The following EPHB1 variants were observed in gnomAD, a reference collection of about 807,000 sequenced individuals.
EPHB1 encodes the protein EPH receptor B1, also known as ephrin type-B receptor 1.
A neutral mutation model predicts 94.4 loss-of-function variants in EPHB1; 30 were observed. That is an observed-to-expected ratio of 0.32 (90% CI 0.24 to 0.43). EPHB1 has a LOEUF of 0.43. EPHB1 is among the 20% of genes least tolerant of loss of function. The probability of loss-of-function intolerance (pLI) is 1.00; values close to 1 mark genes in which losing one functional copy is unlikely to be tolerated. For missense variants in EPHB1, 1,055 were observed against 1,308.3 expected (o/e 0.81, Z 2.99); for synonymous variants, 522 against 489.1 (o/e 1.07, Z -0.89).
chr3:134,818,685 C>G (rs1245094375), intron 1 of EPHB1, among the ~76,000 whole-genome samples: 1 of 152,180 alleles, frequency 6.6e-6, no homozygotes, highest in Non-Finnish European at 1.5e-5. Flanking sequence ...ACTGCAAATG[C>G]CGTTAATTCA....
chr3:135,114,153 T>C (rs1321007273), intron 4 of EPHB1, among the ~76,000 whole-genome samples: 1 of 152,160 alleles, frequency 6.6e-6, no homozygotes, highest in Non-Finnish European at 1.5e-5. Flanking sequence ...CATTTTACCT[T>C]GTGGATTTAG....
chr3:134,851,168 T>C (rs1302041733), intron 1 of EPHB1, among the ~76,000 whole-genome samples: 1 of 152,196 alleles, frequency 6.6e-6, no homozygotes, highest in East Asian at 1.9e-4. Context: ...AGGCCTTGTC[T>C]GGAGGGAGGA....
intron 3 of EPHB1, among the ~76,000 whole-genome samples, chr3:134,975,746 G>C (rs571416806): frequency 2.1e-4 from 32 of 149,066 alleles, no homozygotes; most frequent in Non-Finnish European, 2.2e-4. Context: ...TAAACTATTC[G>C]TAAGGATAGA....
chr3:135,040,529 G>A (rs536898914), intron 3 of EPHB1, among the ~76,000 whole-genome samples: 231 of 152,348 alleles, frequency 1.5e-3, no homozygotes, highest in Middle Eastern at 6.8e-3. Context: ...ACCTGCAGGA[G>A]TGTGGGACTG....
chr3:134,951,876 T>C lies in EPHB1; in HGVS notation c.629T>C (p.Met210Thr). 6.2e-7 allele frequency: 1 copy of C among 1,614,044 alleles called. No homozygotes were observed. The highest frequency in any genetic ancestry group is 8.5e-7 in the Non-Finnish European group (1 of 1,179,898). The change falls in exon 3 of 16, where the codon ATG (methionine) becomes ACG (threonine). Residue 210 changes from methionine to threonine, a missense_variant. Coordinates refer to ENST00000398015, the MANE Select transcript of EPHB1 (RefSeq NM_004441.5). The surrounding 1 kb of genome is among the most constrained non-coding windows in gnomAD (Gnocchi z 4.5). ...AATTTTGCAGTGTTTCCAGAGACTATGACAGGGGCAGAGAGCACATCTCTG... is the reference window on the plus strand; with the variant it reads ...AATTTTGCAGTGTTTCCAGAGACTACGACAGGGGCAGAGAGCACATCTCTG... ...VQNFAVFPET[M>T]TGAESTSLVI...
chr3:135,134,818 G>C (rs1000203862), intron 5 of EPHB1, among the ~76,000 whole-genome samples: 2 of 152,158 alleles, frequency 1.3e-5, no homozygotes, highest in Non-Finnish European at 2.9e-5. Flanking sequence ...GTTACACTGG[G>C]CTTGGCTGTC....
intron 3 of EPHB1, among the ~76,000 whole-genome samples, chr3:135,060,841 T>C (rs1049004435): frequency 2.6e-5 from 4 of 152,158 alleles, no homozygotes; most frequent in Non-Finnish European, 5.9e-5. Context: ...TAAATTGTTA[T>C]TGACTATTGT....
chr3:134,814,225 A>G (rs2036225867), intron 1 of EPHB1, among the ~76,000 whole-genome samples: 1 of 152,208 alleles, frequency 6.6e-6, no homozygotes, highest in African/African-American at 2.4e-5. Context: ...CTGTTGCTGG[A>G]TGGAGATACC....
chr3:135,116,637 A>C (rs920362696), intron 4 of EPHB1, among the ~76,000 whole-genome samples: 14 of 152,240 alleles, frequency 9.2e-5, no homozygotes, highest in African/African-American at 3.1e-4. Context: ...GTTGATGACC[A>C]CTGACATTGT....
rs114315924 is a variant in EPHB1, at chr3:135,096,454, T to C, written c.806-9994T>C. 5.5e-3 allele frequency among the ~76,000 whole-genome samples: 836 copies of C among 152,340 alleles called. 3 individuals are homozygous for C. Among genetic ancestry groups the C allele is most frequent in the Non-Finnish European group, 8.8e-3 (597 of 68,034 alleles). The stretch of plus-strand genomic sequence containing the variant: ...TGAGTCACATCTCCAGATTTTCTGG[T>C]TCAGTAGGCCTGGAGGAGGATCTGA... On this transcript the variant is annotated intron_variant, in intron 3 of 15. Coordinates refer to ENST00000398015, the MANE Select transcript of EPHB1 (RefSeq NM_004441.5).
intron 5 of EPHB1, among the ~76,000 whole-genome samples, chr3:135,134,165 C>T (rs182738811): frequency 4.8e-4 from 73 of 152,258 alleles, no homozygotes; most frequent in African/African-American, 1.2e-3. Context: ...GGCAGTGGAC[C>T]GTGATGCTAT....
chr3:135,175,065 A>T (rs1176566061), intron 9 of EPHB1, among the ~76,000 whole-genome samples: 2 of 152,176 alleles, frequency 1.3e-5, no homozygotes, highest in African/African-American at 2.4e-5. Flanking sequence ...AGGCCTGGAT[A>T]GAAGCATTCA....
intron 1 of EPHB1, among the ~76,000 whole-genome samples, chr3:134,882,757 CCTTCCTTCCTTTCTTTCTTT>C (rs1216039438): frequency 1.7e-3 from 26 of 15,304 alleles, no homozygotes; most frequent in African/African-American, 2.8e-3. Context: ...TTCCTTTCTT[CCTTCCTTCCTTTCTTTCTTT>C]CTTTCTTTCT....
In EPHB1 at chr3:135,031,051, C is replaced by G. The variant is rs562594267; in HGVS notation, c.806-75397C>G. On this transcript the variant is annotated intron_variant, in intron 3 of 15. Transcript: ENST00000398015. ...GAACTCCCTGACCCCTTGCGCTTCC[C>G]GAGTCAGGCAATGTCTCGCCCTGCT... Among the ~76,000 whole-genome samples, 251 of 152,290 alleles carry G rather than the reference C, an allele frequency of 1.6e-3. 2 individuals are homozygous for G. The highest frequency in any genetic ancestry group is 5.9e-3 in the African/African-American group (244 of 41,568).
chr3:134,849,438 G>T (rs1160714251), intron 1 of EPHB1, among the ~76,000 whole-genome samples: 1 of 152,220 alleles, frequency 6.6e-6, no homozygotes, highest in Non-Finnish European at 1.5e-5. Context: ...ATCAAGTAGA[G>T]AGGAAGATGA....
At chr3:135,241,431 G>A in intron 13 of EPHB1, 134 bp downstream of exon 13, 3 of 1,126,548 alleles carry the variant, frequency 2.7e-6, no homozygotes, top group Admixed American at 2.0e-5. Flanking sequence ...AGGGGATACA[G>A]GGACACCCTT....
intron 3 of EPHB1, among the ~76,000 whole-genome samples, chr3:134,961,254 C>T (rs1282918784): frequency 6.6e-6 from 1 of 152,172 alleles, no homozygotes; most frequent in Non-Finnish European, 1.5e-5. Flanking sequence ...TGCTGTTGCT[C>T]TGGAGAACCT....
intron 3 of EPHB1, among the ~76,000 whole-genome samples, chr3:135,056,061 C>A (rs1184070864): frequency 1.3e-5 from 2 of 152,218 alleles, no homozygotes; most frequent in African/African-American, 2.4e-5. Flanking sequence ...AGACCACTTA[C>A]TCACAGGAGA....
At chr3:134,844,336 T>C (rs530263270) in intron 1 of EPHB1, among the ~76,000 whole-genome samples, 1 of 152,320 alleles carries the variant, frequency 6.6e-6, no homozygotes, top group East Asian at 1.9e-4. Flanking sequence ...TGAAGTCTGC[T>C]CTGGCTTTGG....
Sources: gnomAD v4.1 joint callset for allele counts (sites outside exome capture counted in the v4.1 genomes callset) on GRCh38, gnomAD v4.1.1 for gene constraint, Gnocchi (gnomAD v3.1) non-coding constraint, MANE v1.5 for transcripts, NCBI Gene and HGNC (gene_info 2026-07-23, HGNC 2026-07-21) for gene names.